GRAMD2B: variants seen among roughly 807,000 people sequenced by gnomAD.
The protein encoded by GRAMD2B is GRAM domain-containing protein 2B.
GRAMD2B carries 41 observed loss-of-function variants against 59.2 expected under a neutral mutation model. The ratio of observed to expected loss-of-function variants is 0.69; its 90% CI spans 0.54 to 0.90. The LOEUF (loss-of-function observed/expected upper bound fraction) is 0.90. Among genes scored for constraint, GRAMD2B ranks in the 40% least tolerant of loss-of-function variants. The pLI is 0.00. For missense variants in GRAMD2B, 424 were observed against 500.5 expected, an observed-to-expected ratio of 0.85 and a Z score of 1.46; for synonymous variants, 161 against 182.7, an observed-to-expected ratio of 0.88 and a Z score of 0.96.
At position 126,480,545 on chromosome 5, in the gene GRAMD2B, G is replaced by A. The variant is rs73338046; in HGVS notation, c.654+18G>A. On this transcript the variant is annotated intron_variant, in intron 7 of 13. Coordinates refer to ENST00000285689, the MANE Select transcript of GRAMD2B (RefSeq NM_023927.4). ...ACTTAGAAGTGAGTATGATGTCCCT[G>A]AGCCTCAATTACTGTCTCTCTTCTG... 662 of 1,609,148 alleles carry A rather than the reference G, an allele frequency of 4.1e-4. 5 individuals carry two copies. The African/African-American group carries it at 7.9e-3, about 19-fold the overall frequency.
chr5:126,483,667 G>C, intron 9 of GRAMD2B, 93 bp downstream of exon 9: 7 of 663,520 alleles, frequency 1.1e-5, no homozygotes, highest in East Asian at 2.8e-5. Flanking sequence ...AGAAAAGAAA[G>C]AAAAAAACCC....
At chr5:126,405,454 A>G (rs1758187157) in intron 1 of GRAMD2B, among the ~76,000 whole-genome samples, 1 of 151,938 alleles carries the variant, frequency 6.6e-6, no homozygotes, top group Non-Finnish European at 1.5e-5. Flanking sequence ...ACAATAAGAC[A>G]ATCCTCACAG....
intron 1 of GRAMD2B, among the ~76,000 whole-genome samples, chr5:126,430,487 T>G (rs28564484): frequency 0.61 from 91,985 of 151,908 alleles, 28,391 homozygotes; most frequent in African/African-American, 0.73. Context: ...CCTCCAGTGA[T>G]ATCCCTCAGG....
chr5:126,482,971 A>C (rs1230381926), intron 8 of GRAMD2B, among the ~76,000 whole-genome samples: 1 of 152,218 alleles, frequency 6.6e-6, no homozygotes, highest in Non-Finnish European at 1.5e-5. Context: ...AAAAAAGCTT[A>C]AACTTTACTT....
At chr5:126,467,203 A>G (rs1381987003) in intron 2 of GRAMD2B, among the ~76,000 whole-genome samples, 4 of 152,096 alleles carry the variant, frequency 2.6e-5, no homozygotes, top group Non-Finnish European at 4.4e-5. Flanking sequence ...TGAACCCAGA[A>G]AGTGGAGGTT....
chr5:126,400,844 A>G (rs987801251), intron 1 of GRAMD2B, among the ~76,000 whole-genome samples: 3 of 152,116 alleles, frequency 2.0e-5, no homozygotes, highest in African/African-American at 4.8e-5. Context: ...CTTGTATGTG[A>G]CAGGTAACTT....
intron 6 of GRAMD2B, among the ~76,000 whole-genome samples, chr5:126,479,050 A>G (rs2126887663): frequency 6.6e-6 from 1 of 152,360 alleles, no homozygotes; most frequent in East Asian, 1.9e-4. Context: ...AGAAAAATTT[A>G]CATTAAAGTG....
chr5:126,369,340 T>C (rs542774222), upstream of GRAMD2B, among the ~76,000 whole-genome samples: 2 of 152,336 alleles, frequency 1.3e-5, no homozygotes, highest in South Asian at 4.1e-4. Context: ...TATTTAATTA[T>C]GGCCAAGTGG....
rs116029381 is a variant in GRAMD2B at position 126,465,233 on chromosome 5, G to T, written c.84-193G>T. The T allele has an allele frequency of 4.9e-4, 694 of 1,430,304 alleles. 4 individuals carry two copies. The African/African-American group carries it at 8.6e-3, about 18-fold the overall frequency. 88.6% of individuals were successfully genotyped at this position (1,430,304 alleles called of 1,614,324 possible). A position where few individuals can be genotyped will look rare whatever the true frequency, so the allele number is the denominator to read the frequency against. ...ACAAGTGAAACAGGTGCGACCTGCA[G>T]CTACTGCCGTTGGGACACCAGGCAA... On this transcript the variant is annotated intron_variant, in intron 1 of 13. Transcript: ENST00000285689.
Position 126,406,665 on chromosome 5 carries a change from G to C in GRAMD2B, c.125+35098G>C, listed in dbSNP as rs539198527. On this transcript the variant is annotated intron_variant, in intron 1 of 8. Transcript: ENST00000506445. ...TATTTACAGAGCTTACTTATTGGAGGTTTAGTAACCCCTGGATACCCAAGG... is the reference window on the plus strand; with the variant it reads ...TATTTACAGAGCTTACTTATTGGAGCTTTAGTAACCCCTGGATACCCAAGG... Among the ~76,000 whole-genome samples the C allele has an allele frequency of 1.1e-3, 164 of 151,974 alleles. 2 individuals carry two copies. The highest frequency in any genetic ancestry group is 1.2e-3 in the Non-Finnish European group (80 of 67,940).
chr5:126,418,587 C>T (rs768076360), upstream of GRAMD2B, among the ~76,000 whole-genome samples: 5 of 152,182 alleles, frequency 3.3e-5, no homozygotes, highest in Non-Finnish European at 7.4e-5. Context: ...CTTAAAACTA[C>T]TCTACTAAAT....
At chr5:126,432,199 G>A (rs1761677783) in intron 1 of GRAMD2B, among the ~76,000 whole-genome samples, 1 of 152,192 alleles carries the variant, frequency 6.6e-6, no homozygotes, top group Non-Finnish European at 1.5e-5. Flanking sequence ...AAAGTGCTGG[G>A]ATTACAGGCG....
At chr5:126,388,528 C>T (rs1756393968) in intron 1 of GRAMD2B, among the ~76,000 whole-genome samples, 1 of 151,650 alleles carries the variant, frequency 6.6e-6, no homozygotes, top group African/African-American at 2.4e-5. Flanking sequence ...TATCATTATG[C>T]TATGAAAGGT....
chr5:126,380,579 G>A (rs1755580666), intron 1 of GRAMD2B, among the ~76,000 whole-genome samples: 1 of 152,250 alleles, frequency 6.6e-6, no homozygotes, highest in East Asian at 1.9e-4. Flanking sequence ...ATCTTTTTCA[G>A]CAGTGTTTTG....
intron 1 of GRAMD2B, among the ~76,000 whole-genome samples, chr5:126,450,652 TAAA>T (rs10544199): frequency 0.032 from 3,044 of 96,054 alleles, 125 homozygotes; most frequent in Admixed American, 0.11. Context: ...AGCCTGCTGT[TAAA>T]AAAAAAAAAA....
chr5:126,366,922 T>G (rs1011635011), upstream of GRAMD2B, among the ~76,000 whole-genome samples: 2 of 144,268 alleles, frequency 1.4e-5, no homozygotes, highest in Non-Finnish European at 3.0e-5. Flanking sequence ...TGGCGCGATC[T>G]CGGCTCACAA....
chr5:126,480,763 T>C, intron 8 of GRAMD2B, 56 bp downstream of exon 8: 1 of 1,460,762 alleles, frequency 6.8e-7, no homozygotes, highest in South Asian at 1.1e-5. Context: ...GTCCCACAAT[T>C]ACACTTGTGC....
intron 1 of GRAMD2B, 60 bp downstream of exon 1, chr5:126,423,749 C>T: frequency 6.6e-7 from 1 of 1,515,266 alleles, no homozygotes; most frequent in Middle Eastern, 1.7e-4. Context: ...CTAAACTTCT[C>T]TGCCCCGGGA....
chr5:126,492,839 T>C (rs2127001875), intron 13 of GRAMD2B, 76 bp from the exon 14 acceptor site: 1 of 937,184 alleles, frequency 1.1e-6, no homozygotes, highest in Non-Finnish European at 1.7e-6. Flanking sequence ...TAGAATGCTA[T>C]ATAGACTATA....
Sources: gnomAD v4.1 joint callset for allele counts (sites outside exome capture counted in the v4.1 genomes callset) on GRCh38, gnomAD v4.1.1 for gene constraint, MANE v1.5 for transcripts, NCBI Gene and HGNC (gene_info 2026-07-23, HGNC 2026-07-21) for gene names.